The following MAGI1 variants were observed in gnomAD, a reference collection of about 807,000 sequenced individuals.
MAGI1 encodes membrane-associated guanylate kinase, WW and PDZ domain-containing protein 1.
A neutral mutation model predicts 139.9 loss-of-function variants in MAGI1; 58 were observed. The ratio of observed to expected loss-of-function variants is 0.41; its 90% CI spans 0.34 to 0.52. MAGI1 has a LOEUF of 0.52. Ranked by LOEUF, MAGI1 falls within the 20% of genes least tolerant of loss-of-function variation. MAGI1 has a pLI of 0.12. For synonymous variants in MAGI1, 812 were observed against 737.9 expected, an observed-to-expected ratio of 1.10 and a Z score of -1.63; for missense variants, 1,874 against 1,901.6, an observed-to-expected ratio of 0.99 and a Z score of 0.27.
At chr3:65,932,067 C>T (rs188790953) in intron 1 of MAGI1, among the ~76,000 whole-genome samples, 3 of 152,216 alleles carry the variant, frequency 2.0e-5, no homozygotes, top group East Asian at 1.9e-4. Context: ...AAAATCGTAT[C>T]GAGTTTTCTA....
At chr3:65,898,029 A>G (rs1434703073) in intron 1 of MAGI1, among the ~76,000 whole-genome samples, 3 of 152,318 alleles carry the variant, frequency 2.0e-5, no homozygotes, top group African/African-American at 7.2e-5. Context: ...CCAAATCCAA[A>G]TATTTAACTC....
At chr3:65,398,139 G>A (rs1451160420) in intron 13 of MAGI1, among the ~76,000 whole-genome samples, 1 of 151,954 alleles carries the variant, frequency 6.6e-6, no homozygotes, top group Non-Finnish European at 1.5e-5. Flanking sequence ...TTATTTAATG[G>A]GTTCTAAATA....
At chr3:65,498,427 C>A (rs1044141616) in intron 2 of MAGI1, among the ~76,000 whole-genome samples, 1 of 151,812 alleles carries the variant, frequency 6.6e-6, no homozygotes, top group Non-Finnish European at 1.5e-5. Context: ...AGCGTCCAAC[C>A]CCCCAAAAAA....
At chr3:65,933,519 T>G (rs1349561910) in intron 1 of MAGI1, among the ~76,000 whole-genome samples, 1 of 152,214 alleles carries the variant, frequency 6.6e-6, no homozygotes, top group Non-Finnish European at 1.5e-5. Flanking sequence ...CACAATTCTG[T>G]TACGACCTAG....
chr3:65,845,537 G>A (rs545159452), intron 1 of MAGI1, among the ~76,000 whole-genome samples: 6 of 152,284 alleles, frequency 3.9e-5, no homozygotes, highest in Admixed American at 2.6e-4. Flanking sequence ...GCCACCTATT[G>A]CTACATTTTT....
intron 1 of MAGI1, among the ~76,000 whole-genome samples, chr3:66,007,983 G>A (rs996752220): frequency 4.9e-5 from 7 of 143,410 alleles, no homozygotes; most frequent in Admixed American, 1.5e-4. Flanking sequence ...TGCAACCTCC[G>A]CCTCCCAGGT....
chr3:65,934,158 C>T (rs557301169), intron 1 of MAGI1, among the ~76,000 whole-genome samples: 1 of 152,054 alleles, frequency 6.6e-6, no homozygotes, highest in Non-Finnish European at 1.5e-5. Context: ...ATCCCTATTC[C>T]TTCAAAGAGG....
chr3:65,379,054 G>A, intron 17 of MAGI1: 1 of 1,015,372 alleles, frequency 9.8e-7, no homozygotes, highest in Middle Eastern at 2.5e-4. Context: ...CAGTGTGGAA[G>A]TTGAAAGGGT....
intron 1 of MAGI1, among the ~76,000 whole-genome samples, chr3:65,812,699 CTTTTTTTTTTTTTTT>C (rs539502538): frequency 1.2e-4 from 9 of 72,890 alleles, no homozygotes; most frequent in Non-Finnish European, 1.7e-4. Context: ...AGTTAGTTTA[CTTTTTTTTTTTTTTT>C]TTTTTTTTTT....
At chr3:65,757,751 G>C (rs264094) in intron 1 of MAGI1, among the ~76,000 whole-genome samples, 90,833 of 152,020 alleles carry the variant, frequency 0.6, 27,619 homozygotes, top group Middle Eastern at 0.76. Context: ...TTTTAGGTTT[G>C]TCAGCCACAT....
At chr3:65,599,565 C>T (rs1019468255) in intron 2 of MAGI1, among the ~76,000 whole-genome samples, 4 of 152,096 alleles carry the variant, frequency 2.6e-5, no homozygotes, top group African/African-American at 9.7e-5. Flanking sequence ...TGCCTGTTTC[C>T]CCTGGTGTAC....
intron 1 of MAGI1, among the ~76,000 whole-genome samples, chr3:65,981,369 G>C (rs575032316): frequency 6.6e-5 from 10 of 152,212 alleles, no homozygotes; most frequent in African/African-American, 2.2e-4. Flanking sequence ...TTTTTGAGGA[G>C]TTGGTAAAAT....
At chr3:65,797,252 C>T (rs1262369370) in intron 1 of MAGI1, among the ~76,000 whole-genome samples, 1 of 152,118 alleles carries the variant, frequency 6.6e-6, no homozygotes, top group African/African-American at 2.4e-5. Flanking sequence ...AGAGTGGAGG[C>T]AGGTAAACAC....
At chr3:65,504,543 A>T (rs1187556904) in intron 2 of MAGI1, among the ~76,000 whole-genome samples, 1 of 152,164 alleles carries the variant, frequency 6.6e-6, no homozygotes, top group Non-Finnish European at 1.5e-5. Flanking sequence ...GTACACAAAG[A>T]AGACATTGGG....
At chr3:65,412,961 T>C (rs1945906172) in intron 12 of MAGI1, among the ~76,000 whole-genome samples, 1 of 152,156 alleles carries the variant, frequency 6.6e-6, no homozygotes. Context: ...TTCTTTGAGA[T>C]CTAAATCTTC....
intron 1 of MAGI1, among the ~76,000 whole-genome samples, chr3:65,984,650 C>T (rs2065781795): frequency 6.6e-6 from 1 of 150,856 alleles, no homozygotes; most frequent in Non-Finnish European, 1.5e-5. Flanking sequence ...CCACTTCAGC[C>T]TTACTCTCGG....
chr3:65,516,425 G>A (rs941589467), intron 2 of MAGI1, among the ~76,000 whole-genome samples: 16 of 152,012 alleles, frequency 1.1e-4, no homozygotes, highest in Admixed American at 3.9e-4. Context: ...GGATCCGCCC[G>A]CCTGGCCTCC....
intron 1 of MAGI1, among the ~76,000 whole-genome samples, chr3:65,916,213 C>T (rs2061897407): frequency 6.6e-6 from 1 of 152,012 alleles, no homozygotes; most frequent in African/African-American, 2.4e-5. Context: ...ATTGCAGGCA[C>T]ATGCCACCAC....
At chr3:65,385,299 T>C (rs1943357220) in intron 14 of MAGI1, among the ~76,000 whole-genome samples, 2 of 152,202 alleles carry the variant, frequency 1.3e-5, no homozygotes, top group Non-Finnish European at 2.9e-5. Context: ...TTTTAATGTA[T>C]ACATAGGGTG....
Sources: gnomAD v4.1 joint callset for allele counts (sites outside exome capture counted in the v4.1 genomes callset) on GRCh38, gnomAD v4.1.1 for gene constraint, MANE v1.5 for transcripts, NCBI Gene and HGNC (gene_info 2026-07-23, HGNC 2026-07-21) for gene names.